The following DPYD variants were observed in gnomAD, a reference collection of about 807,000 sequenced individuals.
The protein encoded by DPYD is dihydropyrimidine dehydrogenase.
Under a neutral mutation model 116.2 loss-of-function variants are expected in DPYD, and 109 were observed. The ratio of observed to expected loss-of-function variants is 0.94; its 90% confidence interval spans 0.80 to 1.10. The LOEUF (loss-of-function observed/expected upper bound fraction) is 1.10, where lower values mean the gene tolerates loss of function less well. Ranked by LOEUF, DPYD falls within the 50% of genes least tolerant of loss-of-function variation. The pLI is 0.00. For missense variants in DPYD, 1,302 were observed against 1,254.5 expected, an observed-to-expected ratio of 1.04 and a Z score of -0.57; for synonymous variants, 440 against 432.0, an observed-to-expected ratio of 1.02 and a Z score of -0.23.
At chr1:97,857,153 C>T (rs1218961537) in intron 2 of DPYD, among the ~76,000 whole-genome samples, 1 of 152,048 alleles carries the variant, frequency 6.6e-6, no homozygotes, top group Non-Finnish European at 1.5e-5. Flanking sequence ...GACCCCATAG[C>T]CTGAAAAATA....
At chr1:97,394,539 C>T (rs1672906934) in intron 14 of DPYD, 1 of 151,866 alleles carries the variant, frequency 6.6e-6, no homozygotes, top group African/African-American at 2.4e-5. Flanking sequence ...ACAATAATAT[C>T]AAAGATCACT....
intron 4 of DPYD, among the ~76,000 whole-genome samples, chr1:97,736,971 A>C (rs571599036): frequency 6.6e-6 from 1 of 151,826 alleles, no homozygotes; most frequent in South Asian, 2.1e-4. Context: ...CAAAAAAGAT[A>C]CTCCATCACC....
chr1:97,862,847 C>T (rs1274886732), intron 2 of DPYD, among the ~76,000 whole-genome samples: 1 of 151,872 alleles, frequency 6.6e-6, no homozygotes, highest in Non-Finnish European at 1.5e-5. Context: ...TACTTTCTCA[C>T]TACCATGTAA....
intron 16 of DPYD, among the ~76,000 whole-genome samples, chr1:97,358,325 G>T (rs1016230392): frequency 6.6e-6 from 1 of 152,180 alleles, no homozygotes; most frequent in Non-Finnish European, 1.5e-5. Flanking sequence ...GGAGCCCACC[G>T]CAGCTCAGCA....
In DPYD at chr1:97,162,098, G is replaced by A. The variant is rs560007126; in HGVS notation, c.2622+30971C>T. ...TTGGGTATATACCCAGTAATGGGAT[G>A]GCTGGGTCAAATGGTATTTCTAGTT... On this transcript the variant is annotated intron_variant, in intron 20 of 22. Transcript: ENST00000370192. Among the ~76,000 whole-genome samples, 11 of 152,030 alleles carry A rather than the reference G, an allele frequency of 7.2e-5. No homozygotes were observed. The East Asian group carries it at 1.8e-3, about 24-fold the overall frequency.
chr1:97,669,164 G>A (rs893118183), intron 8 of DPYD, among the ~76,000 whole-genome samples: 1 of 152,130 alleles, frequency 6.6e-6, no homozygotes, highest in Non-Finnish European at 1.5e-5. Flanking sequence ...GCACTGCATG[G>A]TTAATCAGAA....
intron 1 of DPYD, among the ~76,000 whole-genome samples, chr1:97,900,929 C>G (rs1673337175): frequency 1.3e-5 from 2 of 151,802 alleles, no homozygotes; most frequent in African/African-American, 4.8e-5. Flanking sequence ...TGGATGTGTT[C>G]TCAGTCTAAT....
chr1:97,116,788 C>G (rs899037695), intron 20 of DPYD, among the ~76,000 whole-genome samples: 1 of 152,046 alleles, frequency 6.6e-6, no homozygotes, highest in Non-Finnish European at 1.5e-5. Flanking sequence ...TGTACACAAT[C>G]TCCTTTCTGC....
At chr1:97,558,195 C>T (rs902553667) in intron 11 of DPYD, among the ~76,000 whole-genome samples, 21 of 152,068 alleles carry the variant, frequency 1.4e-4, no homozygotes, top group African/African-American at 3.1e-4. Context: ...TAACCACTAA[C>T]GACTTTCTGT....
intron 8 of DPYD, among the ~76,000 whole-genome samples, chr1:97,619,182 T>C (rs1656483861): frequency 6.6e-6 from 1 of 152,202 alleles, no homozygotes; most frequent in Non-Finnish European, 1.5e-5. Flanking sequence ...GTGTAGTCAA[T>C]TGTTTAGTTT....
intron 16 of DPYD, among the ~76,000 whole-genome samples, chr1:97,348,227 G>A (rs1669957871): frequency 6.6e-6 from 1 of 152,040 alleles, no homozygotes; most frequent in Non-Finnish European, 1.5e-5. Context: ...TAATATTACT[G>A]TGCTATATCT....
intron 12 of DPYD, among the ~76,000 whole-genome samples, chr1:97,523,709 GT>G (rs1648852801): frequency 6.6e-6 from 1 of 151,510 alleles, no homozygotes; most frequent in Admixed American, 6.6e-5. Context: ...TTCGTTTTTT[GT>G]TTTTGCTTAG....
chr1:97,481,186 C>A (rs532988887), intron 13 of DPYD, among the ~76,000 whole-genome samples: 1 of 152,080 alleles, frequency 6.6e-6, no homozygotes, highest in Non-Finnish European at 1.5e-5. Context: ...AGAGGACGCT[C>A]AACCTTACTA....
chr1:97,272,402 T>G (rs1570806235), intron 18 of DPYD, among the ~76,000 whole-genome samples: 1 of 152,140 alleles, frequency 6.6e-6, no homozygotes, highest in Admixed American at 6.5e-5. Flanking sequence ...CATTTCCGTC[T>G]GAATTGTCCT....
chr1:97,720,508 C>T (rs2101023987), intron 5 of DPYD: 2 of 1,004,298 alleles, frequency 2.0e-6, no homozygotes, highest in East Asian at 1.0e-4. Context: ...CAATCCACAA[C>T]CTCGAATTGT....
intron 8 of DPYD, among the ~76,000 whole-genome samples, chr1:97,616,857 T>C (rs928719796): frequency 3.3e-5 from 5 of 152,164 alleles, no homozygotes; most frequent in Non-Finnish European, 7.3e-5. Context: ...ATTAGAGTAG[T>C]GATTTCTCCT....
chr1:97,611,236 C>T (rs981676826), intron 8 of DPYD, among the ~76,000 whole-genome samples: 1 of 152,014 alleles, frequency 6.6e-6, no homozygotes, highest in Admixed American at 6.6e-5. Flanking sequence ...GAAACTCTTG[C>T]TTTTAAAACC....
chr1:97,483,912 C>T (rs1284233677), intron 13 of DPYD, among the ~76,000 whole-genome samples: 5 of 152,042 alleles, frequency 3.3e-5, no homozygotes, highest in Admixed American at 6.6e-5. Flanking sequence ...CTTCTTTATA[C>T]ATTACCCAGT....
intron 3 of DPYD, among the ~76,000 whole-genome samples, chr1:97,782,455 C>A (rs1162016980): frequency 6.6e-6 from 1 of 152,198 alleles, no homozygotes; most frequent in Non-Finnish European, 1.5e-5. Context: ...GTTGCCTTTC[C>A]TGGATCATGG....
Sources: allele counts gnomAD v4.1 joint callset (sites outside exome capture counted in the v4.1 genomes callset), GRCh38; gene constraint gnomAD v4.1.1; transcripts MANE v1.5; gene names NCBI Gene and HGNC (gene_info 2026-07-23, HGNC 2026-07-21).